The following INTS6L variants were observed in gnomAD, a reference collection of about 807,000 sequenced individuals.
The protein encoded by INTS6L is integrator complex subunit 6 like.
A neutral mutation model predicts 64.7 loss-of-function variants in INTS6L; 18 were observed. The ratio of observed to expected loss-of-function variants is 0.28; its 90% confidence interval spans 0.19 to 0.41. INTS6L has a LOEUF of 0.41. Among genes scored for constraint, INTS6L ranks in the 10% least tolerant of loss-of-function variants. The pLI is 1.00. For synonymous variants in INTS6L, 227 were observed against 235.9 expected, an observed-to-expected ratio of 0.96 and a Z score of 0.34; for missense variants, 533 against 661.0, an observed-to-expected ratio of 0.81 and a Z score of 2.12.
intron 9 of INTS6L, among the ~76,000 whole-genome samples, chrX:135,557,411 T>G (rs2148640464): frequency 9.0e-6 from 1 of 111,536 alleles, no homozygotes; most frequent in South Asian, 3.8e-4. Context: ...CTTTATTGAG[T>G]TATGCTTGAC....
chrX:135,572,639 A>C (rs886324375), intron 11 of INTS6L, 176 bp from the exon 12 acceptor site: 1 of 387,531 alleles, frequency 2.6e-6, no homozygotes, highest in Admixed American at 4.9e-5. Context: ...CCTGCCCCCT[A>C]TCTGTTTGCT....
chrX:135,550,370 C>T (rs191909446), intron 7 of INTS6L, among the ~76,000 whole-genome samples: 1 of 109,868 alleles, frequency 9.1e-6, no homozygotes, highest in East Asian at 2.8e-4. Context: ...TCTTTTTGGT[C>T]ACTGCATTTG....
chrX:135,579,207 C>T (rs2087309841), intron 15 of INTS6L, among the ~76,000 whole-genome samples: 1 of 111,603 alleles, frequency 9.0e-6, no homozygotes, highest in Admixed American at 9.5e-5. Flanking sequence ...CTGCCACAGA[C>T]GATGAATAAA....
rs200136492 is a variant in INTS6L, at chrX:135,581,579, A to G, written c.2640A>G (p.Ile880Met). 22 of 1,209,608 alleles carry G rather than the reference A, an allele frequency of 1.8e-5. No individual in the cohort carries two copies. The highest frequency in any genetic ancestry group is 2.1e-5 in the Non-Finnish European group (19 of 894,976). Residue 880 changes from isoleucine to methionine, a missense_variant, in exon 18 of 18, where the codon ATA becomes ATG. Physicochemically the swap from Ile to Met is conservative, Grantham distance 10. Transcript: ENST00000639893. ...ACCTTGAGAAGGTACTAGAAAAAAT[A>G]AATTCCCACCACCTTCACAACAACA... is the stretch of plus-strand genomic sequence containing the variant. ...IQYLEKVLEK[I>M]NSHHLHNNIS...
chrX:135,547,248 C>T lies in INTS6L; in HGVS notation c.725C>T (p.Pro242Leu), dbSNP rs782633480. 1.8e-5 allele frequency: 22 copies of T among 1,206,788 alleles called. No individual in the cohort carries two copies. The highest frequency in any genetic ancestry group is 2.1e-5 in the Non-Finnish European group (19 of 893,997). The change falls in exon 6 of 18, where the codon CCA becomes CTA. Residue 242 changes from proline (P) to leucine (L), a missense_variant. Pro to Leu is a moderately conservative substitution (Grantham distance 98). Coordinates refer to ENST00000639893, the MANE Select transcript of INTS6L (RefSeq NM_001351601.3). ...VINFEKTGPD[P>L]LPIGEDGLMD... Reference sequence around the variant, plus strand: ...AATTTTGAAAAAACAGGACCAGATCCACTTCCTATTGGAGAAGGTATAGTA... The same window carrying T: ...AATTTTGAAAAAACAGGACCAGATCTACTTCCTATTGGAGAAGGTATAGTA...
rs1556530176 is a variant in INTS6L, at chrX:135,575,123, A to G, written c.1781A>G (p.Tyr594Cys). 1 of 1,211,472 alleles carries G rather than the reference A, an allele frequency of 8.3e-7. No individual in the cohort carries two copies. Among genetic ancestry groups the G allele is most frequent in the Non-Finnish European group, 1.1e-6 (1 of 895,266 alleles). ...HSVPVAQMGNYQEYLKTLASP... is the reference protein window; with the variant it reads ...HSVPVAQMGNCQEYLKTLASP... The stretch of plus-strand genomic sequence containing the variant: ...GTTCCAGTTGCACAAATGGGTAACT[A>G]TCAGGAATATCTGAAGACATTGGCT... Residue 594 changes from tyrosine to cysteine, a missense_variant, in exon 14 of 18, where the codon TAT (tyrosine) becomes TGT (cysteine). Transcript: ENST00000639893.
intron 2 of INTS6L, among the ~76,000 whole-genome samples, chrX:135,522,492 C>G (rs1458590575): frequency 8.9e-6 from 1 of 112,151 alleles, no homozygotes; most frequent in Non-Finnish European, 1.9e-5. Flanking sequence ...TTAAATCAAC[C>G]TGCATAAGAG....
At chrX:135,539,404 C>T (rs911156138) in intron 2 of INTS6L, among the ~76,000 whole-genome samples, 5 of 111,981 alleles carry the variant, frequency 4.5e-5, no homozygotes, top group South Asian at 3.7e-4. Flanking sequence ...AGATTCATTC[C>T]ATCAACTCTA....
At chrX:135,549,891 C>T (rs1470965557) in intron 7 of INTS6L, 86 bp downstream of exon 7, 1 of 1,027,885 alleles carries the variant, frequency 9.7e-7, no homozygotes, top group African/African-American at 1.9e-5. Context: ...AGCTTTGAGG[C>T]CTTTATGCCA....
At chrX:135,527,455 C>CT (rs1474704685) in intron 2 of INTS6L, among the ~76,000 whole-genome samples, 30 of 111,923 alleles carry the variant, frequency 2.7e-4, no homozygotes, top group African/African-American at 9.4e-4. Flanking sequence ...AAAAAGCTGA[C>CT]TAGAGAAGGT....
chrX:135,575,608 A>G (rs1307377226), intron 14 of INTS6L, among the ~76,000 whole-genome samples: 1 of 112,621 alleles, frequency 8.9e-6, no homozygotes, highest in African/African-American at 3.2e-5. Flanking sequence ...TCCAGAATCT[A>G]TATTCATTCC....
chrX:135,570,515 T>C lies in INTS6L; in HGVS notation c.1367T>C (p.Val456Ala). The change falls in exon 11 of 18, where the codon GTT (valine) becomes GCT (alanine). Residue 456 changes from valine to alanine, a missense_variant. Val to Ala is a moderately conservative substitution (Grantham distance 64). Transcript: ENST00000639893. The part of the protein sequence containing the change: ...DNLDCGLSYS[V>A]ISYLKKLSQQ... Reference sequence around the variant, plus strand: ...TTAGATTGTGGACTTAGTTACAGTGTTATCTCTTACCTTAAAAAACTCAGC... The same window carrying C: ...TTAGATTGTGGACTTAGTTACAGTGCTATCTCTTACCTTAAAAAACTCAGC... 2.6e-6 allele frequency: 3 copies of C among 1,154,636 alleles called. No individual in the cohort carries two copies. Among genetic ancestry groups the C allele is most frequent in the Non-Finnish European group, 2.3e-6 (2 of 871,908 alleles).
intron 2 of INTS6L, among the ~76,000 whole-genome samples, chrX:135,541,964 A>G (rs1176938830): frequency 5.4e-5 from 6 of 111,682 alleles, no homozygotes; most frequent in Non-Finnish European, 1.1e-4. Context: ...ATACTTCAAT[A>G]AATCTGTGGG....
chrX:135,551,721 G>T (rs781862283), intron 7 of INTS6L, among the ~76,000 whole-genome samples: 12 of 110,737 alleles, frequency 1.1e-4, no homozygotes, highest in Non-Finnish European at 1.9e-4. Context: ...ATTCAAAACA[G>T]TTTTTTTTCA....
intron 3 of INTS6L, among the ~76,000 whole-genome samples, 196 bp downstream of exon 3, chrX:135,545,768 T>G (rs1204338824): frequency 1.8e-5 from 2 of 112,197 alleles, no homozygotes; most frequent in Non-Finnish European, 3.8e-5. Flanking sequence ...ATAGAATAGC[T>G]AAAATTGTCT....
chrX:135,521,929 C>T (rs1290540327), intron 2 of INTS6L, among the ~76,000 whole-genome samples: 3 of 109,796 alleles, frequency 2.7e-5, no homozygotes, highest in Admixed American at 9.6e-5. Context: ...CCTCCTGGTC[C>T]CCTCCCCTTC....
At chrX:135,530,067 G>T (rs1447402892) in intron 2 of INTS6L, among the ~76,000 whole-genome samples, 1 of 111,444 alleles carries the variant, frequency 9.0e-6, no homozygotes, top group Non-Finnish European at 1.9e-5. Context: ...CTTCTCACTG[G>T]TATTTTCTCA....
In INTS6L at chrX:135,522,973, G is replaced by A. The variant is rs782146266; in HGVS notation, c.189+1655G>A. Among the ~76,000 whole-genome samples, 17 of 112,088 alleles carry A rather than the reference G, an allele frequency of 1.5e-4. No homozygotes were observed. In the East Asian group the frequency reaches 4.8e-3, roughly 31 times the overall value. The stretch of plus-strand genomic sequence containing the variant: ...CTAGGTCTGAATGTCTACACTCTTC[G>A]ACTGCTAATACAGATAAGAACCGAC... On this transcript the variant is annotated intron_variant, in intron 2 of 17. Coordinates refer to ENST00000639893, the MANE Select transcript of INTS6L (RefSeq NM_001351601.3).
intron 2 of INTS6L, among the ~76,000 whole-genome samples, chrX:135,541,073 C>T (rs963650840): frequency 9.0e-6 from 1 of 111,571 alleles, no homozygotes; most frequent in East Asian, 2.8e-4. Context: ...TGAGCCATCG[C>T]GCCTGGCCTC....
Sources: gnomAD v4.1 joint callset for allele counts (sites outside exome capture counted in the v4.1 genomes callset) on GRCh38, gnomAD v4.1.1 for gene constraint, MANE v1.5 for transcripts, NCBI Gene and HGNC (gene_info 2026-07-23, HGNC 2026-07-21) for gene names.